The following TMEM132D variants were observed in gnomAD, a reference collection of about 807,000 sequenced individuals.
TMEM132D encodes the protein mature OL transmembrane protein.
TMEM132D carries 21 observed loss-of-function variants against 62.3 expected under a neutral mutation model. The observed-to-expected ratio is 0.34, with a 90% CI of 0.24 to 0.49. The LOEUF is 0.49. Among genes scored for constraint, TMEM132D ranks in the 20% least tolerant of loss-of-function variants. The pLI, the probability that TMEM132D is intolerant of heterozygous loss-of-function variation, is 0.99. For missense variants in TMEM132D, 1,346 were observed against 1,402.8 expected (o/e 0.96, Z 0.65); for synonymous variants, 621 against 575.6 (o/e 1.08, Z -1.13).
chr12:129,227,586 T>C (rs1879514535), intron 4 of TMEM132D, among the ~76,000 whole-genome samples: 1 of 146,154 alleles, frequency 6.8e-6, no homozygotes. Flanking sequence ...TATTTTTATT[T>C]ATTTTTTAAT....
intron 3 of TMEM132D, among the ~76,000 whole-genome samples, chr12:129,491,587 AC>A (rs1401692674): frequency 1.3e-5 from 2 of 152,136 alleles, no homozygotes; most frequent in Non-Finnish European, 2.9e-5. Flanking sequence ...CATTGAAGAC[AC>A]TGGAACCAGC....
At chr12:129,674,266 C>T (rs1006517703) in intron 2 of TMEM132D, among the ~76,000 whole-genome samples, 3 of 152,174 alleles carry the variant, frequency 2.0e-5, no homozygotes, top group East Asian at 3.9e-4. Flanking sequence ...AGATCTGAAT[C>T]GAAGCAGTCT....
chr12:129,546,631 C>T (rs1016505641), intron 2 of TMEM132D, among the ~76,000 whole-genome samples: 4 of 152,000 alleles, frequency 2.6e-5, no homozygotes, highest in Non-Finnish European at 5.9e-5. Context: ...GAAACCCCGT[C>T]TCTACTAAAA....
intron 3 of TMEM132D, among the ~76,000 whole-genome samples, chr12:129,379,236 G>A (rs902577094): frequency 6.6e-6 from 1 of 152,132 alleles, no homozygotes; most frequent in Non-Finnish European, 1.5e-5. Flanking sequence ...TATATGGGTG[G>A]TTAAATTACA....
chr12:129,903,604 AT>A lies in TMEM132D; in HGVS notation c.-266del, dbSNP rs530951939. ...ACCTCCCTCCTTCGACCCCAACAGA[AT>A]TTTTTTTAAATTTTAATCCACAGGG... On this transcript the variant is annotated 5_prime_UTR_variant, in exon 1 of 9. Coordinates refer to ENST00000422113, the MANE Select transcript of TMEM132D (RefSeq NM_133448.3). This position sits in a 1 kb window ranked among gnomAD's most constrained non-coding sequence, Gnocchi z 6.2. 6.0e-6 allele frequency: 3 copies of A among 497,032 alleles called. No individual in the cohort carries two copies. The highest frequency in any genetic ancestry group is 7.1e-6 in the Non-Finnish European group (2 of 280,144). The allele number at this position is 497,032 out of a possible 1,614,324, so 30.8% of individuals were successfully genotyped here. A position where few individuals can be genotyped will look rare whatever the true frequency, so the allele number is the denominator to read the frequency against.
intron 3 of TMEM132D, among the ~76,000 whole-genome samples, chr12:129,374,439 G>A (rs1399077704): frequency 6.6e-6 from 1 of 152,070 alleles, no homozygotes; most frequent in Non-Finnish European, 1.5e-5. Flanking sequence ...ATGAATTTGG[G>A]GATGGACACA....
chr12:129,711,182 C>A (rs938897902), intron 1 of TMEM132D, among the ~76,000 whole-genome samples: 2 of 152,218 alleles, frequency 1.3e-5, no homozygotes, highest in Non-Finnish European at 2.9e-5. Flanking sequence ...CCCCCTAAAA[C>A]CTCTCTTCTC....
chr12:129,660,179 C>T (rs1324917652), intron 2 of TMEM132D, among the ~76,000 whole-genome samples: 4 of 152,008 alleles, frequency 2.6e-5, no homozygotes, highest in African/African-American at 7.3e-5. Flanking sequence ...GAGAGAGGCT[C>T]AAATTACTGT....
chr12:129,747,438 ACT>A (rs1032021238), intron 1 of TMEM132D, among the ~76,000 whole-genome samples: 3 of 148,594 alleles, frequency 2.0e-5, no homozygotes, highest in Non-Finnish European at 4.5e-5. Context: ...AGACACACAC[ACT>A]CTCAGTCACC....
At chr12:129,771,241 C>T (rs1425581940) in intron 1 of TMEM132D, among the ~76,000 whole-genome samples, 1 of 152,218 alleles carries the variant, frequency 6.6e-6, no homozygotes, top group Non-Finnish European at 1.5e-5. Flanking sequence ...CAGCACAGGG[C>T]AGTGGTTCCA....
At chr12:129,501,185 C>A (rs2137067306) in intron 3 of TMEM132D, among the ~76,000 whole-genome samples, 1 of 152,120 alleles carries the variant, frequency 6.6e-6, no homozygotes, top group Non-Finnish European at 1.5e-5. Flanking sequence ...AAATGACAAC[C>A]AAAGTGAAAA....
chr12:129,573,472 G>A (rs552212380), intron 2 of TMEM132D, among the ~76,000 whole-genome samples: 6 of 152,260 alleles, frequency 3.9e-5, no homozygotes, highest in African/African-American at 1.4e-4. Flanking sequence ...GGGAGGTCAT[G>A]GGACTCACGT....
intron 3 of TMEM132D, among the ~76,000 whole-genome samples, chr12:129,507,616 CA>C (rs1875375802): frequency 6.6e-6 from 1 of 152,146 alleles, no homozygotes; most frequent in Non-Finnish European, 1.5e-5. Flanking sequence ...AATGGAAAAC[CA>C]AACATCGTAT....
intron 3 of TMEM132D, among the ~76,000 whole-genome samples, chr12:129,463,229 C>T (rs1178258667): frequency 2.0e-5 from 3 of 152,162 alleles, no homozygotes; most frequent in African/African-American, 4.8e-5. Context: ...AGTTGCACAA[C>T]ATCTTGGAGC....
chr12:129,647,243 G>T (rs115338985), intron 2 of TMEM132D, among the ~76,000 whole-genome samples: 126 of 117,510 alleles, frequency 1.1e-3, no homozygotes, highest in East Asian at 1.3e-3. Flanking sequence ...TTGTTTTTCT[G>T]TTTTTTTTTT....
chr12:129,831,594 C>A (rs1018233368), intron 1 of TMEM132D, among the ~76,000 whole-genome samples: 1 of 152,166 alleles, frequency 6.6e-6, no homozygotes, highest in African/African-American at 2.4e-5. Context: ...CATGACCTAG[C>A]GGTTTTCTCT....
intron 3 of TMEM132D, among the ~76,000 whole-genome samples, chr12:129,453,874 T>A (rs1020065913): frequency 6.6e-6 from 1 of 152,234 alleles, no homozygotes; most frequent in African/African-American, 2.4e-5. Context: ...GTGTGTGATG[T>A]TCTGTTTGGT....
At chr12:129,120,983 C>G (rs745805921) in intron 5 of TMEM132D, among the ~76,000 whole-genome samples, 4 of 152,116 alleles carry the variant, frequency 2.6e-5, no homozygotes, top group Admixed American at 2.6e-4. Flanking sequence ...TGCTCACATC[C>G]TCATCCTTGG....
intron 1 of TMEM132D, among the ~76,000 whole-genome samples, chr12:129,753,811 G>A (rs570942008): frequency 2.0e-5 from 3 of 152,280 alleles, no homozygotes; most frequent in East Asian, 1.9e-4. Context: ...CCTGCTAACC[G>A]TGCTGGGAAA....
Sources: gnomAD v4.1 joint callset for allele counts (sites outside exome capture counted in the v4.1 genomes callset) on GRCh38, gnomAD v4.1.1 for gene constraint, Gnocchi (gnomAD v3.1) non-coding constraint, MANE v1.5 for transcripts, NCBI Gene and HGNC (gene_info 2026-07-23, HGNC 2026-07-21) for gene names.